SPCS2: variants seen among roughly 807,000 people sequenced by gnomAD.
The protein encoded by SPCS2 is signal peptidase complex subunit 2.
Under a neutral mutation model 22.3 loss-of-function variants are expected in SPCS2, and 3 were observed. That is an observed-to-expected ratio of 0.13 (90% confidence interval 0.06 to 0.35). The LOEUF (loss-of-function observed/expected upper bound fraction) is 0.35, where lower values mean the gene tolerates loss of function less well. Among genes scored for constraint, SPCS2 ranks in the 10% least tolerant of loss-of-function variants. The pLI is 1.00. For synonymous variants in SPCS2, 67 were observed against 97.2 expected, an observed-to-expected ratio of 0.69 and a Z score of 1.83; for missense variants, 169 against 280.9, an observed-to-expected ratio of 0.60 and a Z score of 2.85.
At chr11:74,957,141 G>C (rs1291687675) in intron 1 of SPCS2, among the ~76,000 whole-genome samples, 1 of 152,100 alleles carries the variant, frequency 6.6e-6, no homozygotes, top group African/African-American at 2.4e-5. Context: ...CTAGTGGCTA[G>C]AACAGTGCTT....
intron 3 of SPCS2, 134 bp from the exon 4 acceptor site, chr11:74,969,431 T>G: frequency 1.3e-6 from 1 of 792,446 alleles, no homozygotes; most frequent in Non-Finnish European, 2.0e-6. Flanking sequence ...ATAGCTAAAT[T>G]TTCAGTGTTT....
At chr11:74,968,488 A>G (rs1166712926) in intron 3 of SPCS2, among the ~76,000 whole-genome samples, 1 of 138,866 alleles carries the variant, frequency 7.2e-6, no homozygotes, top group African/African-American at 2.7e-5. Flanking sequence ...CATCCAGCTA[A>G]TTTTTTTTTG....
At chr11:74,957,828 A>G (rs962034392) in intron 1 of SPCS2, among the ~76,000 whole-genome samples, 1 of 152,242 alleles carries the variant, frequency 6.6e-6, no homozygotes, top group Non-Finnish European at 1.5e-5. Context: ...TAAGAAATTC[A>G]TACTGGATGA....
intron 1 of SPCS2, among the ~76,000 whole-genome samples, chr11:74,951,230 T>C (rs1221867563): frequency 6.6e-6 from 1 of 152,124 alleles, no homozygotes; most frequent in African/African-American, 2.4e-5. Context: ...CTTTCTTCAT[T>C]TGGAATTTTG....
intron 1 of SPCS2, among the ~76,000 whole-genome samples, chr11:74,957,322 A>T (rs958588299): frequency 5.9e-5 from 9 of 152,238 alleles, no homozygotes; most frequent in African/African-American, 2.2e-4. Context: ...AGAAACCCAG[A>T]AAAGTCATAT....
At chr11:74,960,212 A>G (rs1351164809) in intron 1 of SPCS2, among the ~76,000 whole-genome samples, 9 of 152,170 alleles carry the variant, frequency 5.9e-5, no homozygotes, top group Admixed American at 5.2e-4. Context: ...CTTGTCTGTA[A>G]TCCCAGCTAC....
At chr11:74,963,560 T>A (rs1948526664) in intron 1 of SPCS2, 1 of 425,462 alleles carries the variant, frequency 2.4e-6, no homozygotes, top group African/African-American at 2.2e-5. Context: ...TGTTTGTTTG[T>A]TTGTTTGTTT....
At position 74,949,310 on chromosome 11, in the gene SPCS2, G is replaced by T. The variant is rs1438953142; in HGVS notation, c.25G>T (p.Gly9Trp). 6.5e-7 allele frequency: 1 copy of T among 1,550,370 alleles called. No individual in the cohort carries two copies. Among genetic ancestry groups the T allele is most frequent in the Non-Finnish European group, 8.7e-7 (1 of 1,146,604 alleles). ...GATGGCGGCGGCAGCTGTACAGGGCGGGAGAAGCGGTGGTAGCGGAGGCTG... is the reference window on the plus strand; with the variant it reads ...GATGGCGGCGGCAGCTGTACAGGGCTGGAGAAGCGGTGGTAGCGGAGGCTG... MAAAAVQG[G>W]RSGGSGGCSG... The change falls in exon 1 of 5, where the codon GGG becomes TGG. Residue 9 changes from glycine (G) to tryptophan (W), a missense_variant. Physicochemically the swap from Gly to Trp is radical, Grantham distance 184. Coordinates refer to ENST00000263672, the MANE Select transcript of SPCS2 (RefSeq NM_014752.3).
chr11:74,976,180 C>T (rs77677156), intron 4 of SPCS2, among the ~76,000 whole-genome samples: 6,358 of 152,228 alleles, frequency 0.042, 449 homozygotes, highest in African/African-American at 0.14. Context: ...CTACTAGAAG[C>T]CCAGCTAAGA....
intron 4 of SPCS2, among the ~76,000 whole-genome samples, chr11:74,969,922 G>T (rs565400719): frequency 1.3e-5 from 2 of 152,172 alleles, no homozygotes; most frequent in African/African-American, 2.4e-5. Context: ...GTGGGAGAAG[G>T]TACTTTTTCC....
chr11:74,960,754 A>T (rs1039471826), intron 1 of SPCS2, among the ~76,000 whole-genome samples: 1 of 152,122 alleles, frequency 6.6e-6, no homozygotes, highest in Non-Finnish European at 1.5e-5. Flanking sequence ...TGTTATCTGT[A>T]AAAGGAGGAT....
intron 2 of SPCS2, 99 bp from the exon 3 acceptor site, chr11:74,965,664 G>A (rs1591739190): frequency 9.7e-7 from 1 of 1,029,372 alleles, no homozygotes; most frequent in East Asian, 2.6e-5. Context: ...GGAACTACTT[G>A]GTAATTCATA....
At position 74,965,294 on chromosome 11, in the gene SPCS2, C is replaced by T. The variant is rs1298115687; in HGVS notation, c.198+177C>T. 4 of 517,684 alleles carry T rather than the reference C, an allele frequency of 7.7e-6. No individual in the cohort carries two copies. The East Asian group carries it at 1.3e-4, about 17-fold the overall frequency. 32.1% of individuals were successfully genotyped at this position (517,684 alleles called of 1,614,324 possible). The stretch of plus-strand genomic sequence containing the variant: ...TCAGAGGAAGTGTGTTGAAATATCA[C>T]CAACATGGCACATGTATACATATGT... On this transcript the variant is annotated intron_variant, in intron 2 of 4. Coordinates refer to ENST00000263672, the MANE Select transcript of SPCS2 (RefSeq NM_014752.3).
At chr11:74,965,379 TAAA>T (rs554619545) in intron 2 of SPCS2, among the ~76,000 whole-genome samples, 2 of 148,668 alleles carry the variant, frequency 1.3e-5, no homozygotes, top group Non-Finnish European at 3.0e-5. Context: ...ATAATAAAAT[TAAA>T]AAAAAAAGAA....
chr11:74,959,514 TC>T (rs1424217670), intron 1 of SPCS2, among the ~76,000 whole-genome samples: 4 of 152,306 alleles, frequency 2.6e-5, no homozygotes, highest in African/African-American at 4.8e-5. Flanking sequence ...TGCCTCTGTC[TC>T]CCAAGTAGCT....
chr11:74,963,825 C>T (rs1948528799), intron 1 of SPCS2: 1 of 172,040 alleles, frequency 5.8e-6, no homozygotes, highest in African/African-American at 2.4e-5. Context: ...GGATTGCTTG[C>T]TGGTTTGTAA....
At chr11:74,953,730 C>A (rs989201344) in intron 1 of SPCS2, among the ~76,000 whole-genome samples, 4 of 152,232 alleles carry the variant, frequency 2.6e-5, no homozygotes, top group African/African-American at 9.6e-5. Flanking sequence ...CCGCCTCCAT[C>A]ACAGAATAAC....
chr11:74,965,192 G>A (rs948358677), intron 2 of SPCS2, 75 bp downstream of exon 2: 10 of 968,162 alleles, frequency 1.0e-5, no homozygotes, highest in Non-Finnish European at 1.5e-5. Flanking sequence ...TTTTCCTTTT[G>A]TAACTTGGAG....
At chr11:74,954,031 T>A (rs542571977) in intron 1 of SPCS2, among the ~76,000 whole-genome samples, 66 of 152,354 alleles carry the variant, frequency 4.3e-4, no homozygotes, top group African/African-American at 1.5e-3. Flanking sequence ...GGACCTTTTT[T>A]TAGGCCTGAA....
Sources: gnomAD v4.1 joint callset for allele counts (sites outside exome capture counted in the v4.1 genomes callset) on GRCh38, gnomAD v4.1.1 for gene constraint, MANE v1.5 for transcripts, NCBI Gene and HGNC (gene_info 2026-07-23, HGNC 2026-07-21) for gene names.